Variants in SPECC1 observed in about 807,000 individuals in gnomAD.
The protein encoded by SPECC1 is cytospin-B.
Under a neutral mutation model 104.1 loss-of-function variants are expected in SPECC1, and 62 were observed. The observed-to-expected ratio is 0.60, with a 90% CI of 0.49 to 0.74. The LOEUF is 0.74. SPECC1 is among the 30% of genes least tolerant of loss of function. SPECC1 has a pLI of 0.00. For missense variants in SPECC1, 1,306 were observed against 1,310.5 expected (o/e 1.00, Z 0.05); for synonymous variants, 513 against 501.6 (o/e 1.02, Z -0.30).
At chr17:20,033,480 T>C (rs899335078) in intron 1 of SPECC1, among the ~76,000 whole-genome samples, 1 of 152,168 alleles carries the variant, frequency 6.6e-6, no homozygotes, top group African/African-American at 2.4e-5. Context: ...AAAAGGTTTA[T>C]TGGGCTCATG....
chr17:20,305,913 C>A, intron 13 of SPECC1, 110 bp from the exon 14 acceptor site: 1 of 911,754 alleles, frequency 1.1e-6, no homozygotes, highest in Non-Finnish European at 1.6e-6. Context: ...TACTATTCTT[C>A]GCTTTATAAT....
At chr17:20,184,068 C>G (rs1210347770) in intron 3 of SPECC1, among the ~76,000 whole-genome samples, 1 of 150,556 alleles carries the variant, frequency 6.6e-6, no homozygotes, top group Non-Finnish European at 1.5e-5. Context: ...ATCGTCCCAG[C>G]TACTCGGGAG....
At chr17:20,218,481 A>G (rs1320973544) in intron 4 of SPECC1, among the ~76,000 whole-genome samples, 5 of 152,196 alleles carry the variant, frequency 3.3e-5, no homozygotes, top group African/African-American at 9.7e-5. Context: ...ATTACAATCC[A>G]GAGTCTCACG....
At position 20,318,432 on chromosome 17, in the gene SPECC1, G is replaced by A. The variant is rs1040119980; in HGVS notation, c.*4367G>A. 3.9e-5 allele frequency: 9 copies of A among 231,494 alleles called. No individual in the cohort carries two copies. The highest frequency in any genetic ancestry group is 6.8e-5 in the Non-Finnish European group (8 of 117,040). The allele number at this position is 231,494 out of a possible 1,614,324, so 14.3% of individuals were successfully genotyped here. On this transcript the variant is annotated 3_prime_UTR_variant, in exon 15 of 15. Transcript: ENST00000395527. ...GTAGAGACCAACCCAAGTAGATGCA[G>A]GTGGGTGTTAGATAAAAACACACAT... is the stretch of plus-strand genomic sequence containing the variant.
chr17:20,148,299 G>A (rs1163602638), intron 3 of SPECC1, among the ~76,000 whole-genome samples: 1 of 151,960 alleles, frequency 6.6e-6, no homozygotes, highest in Non-Finnish European at 1.5e-5. Context: ...GAGTGCAGTA[G>A]TGCAATCATA....
chr17:20,051,090 T>C (rs1385986940), intron 1 of SPECC1, among the ~76,000 whole-genome samples: 1 of 100,128 alleles, frequency 1.0e-5, no homozygotes, highest in Admixed American at 1.0e-4. Flanking sequence ...CTTTCTTTCT[T>C]TCTTTCTTTC....
At chr17:20,257,325 T>G (rs2039868321) in intron 10 of SPECC1, 126 bp from the exon 11 acceptor site, 2 of 1,138,392 alleles carry the variant, frequency 1.8e-6, no homozygotes, top group African/African-American at 3.2e-5. Context: ...TTTTATTACT[T>G]CAGAAACTAT....
Position 20,227,520 on chromosome 17 carries a change from G to C in SPECC1, c.1971G>C (p.Glu657Asp). The change falls in exon 5 of 15, where the codon GAG (glutamate) becomes GAC (aspartate). Residue 657 changes from glutamate to aspartate, a missense_variant. Physicochemically the swap from Glu to Asp is conservative, Grantham distance 45 (BLOSUM62 2). Transcript: ENST00000395527. ...LQEKASESDA[E>D]IKDMKETIFE... ...AAAAAGCATCAGAGAGTGATGCAGA[G>C]ATCAAAGACATGAAAGAAACCATAT... is the stretch of plus-strand genomic sequence containing the variant. 1 of 1,613,326 alleles carries C rather than the reference G, an allele frequency of 6.2e-7. No homozygotes were observed. Among genetic ancestry groups the C allele is most frequent in the Non-Finnish European group, 8.5e-7 (1 of 1,179,794 alleles).
intron 3 of SPECC1, chr17:20,155,914 CGCCTGGCGGGCGGT>C (rs1251512639): frequency 3.4e-5 from 41 of 1,203,192 alleles, no homozygotes; most frequent in Non-Finnish European, 3.8e-5. Context: ...GGGCGGGCCG[CGCCTGGCGGGCGGT>C]GTGCAGTTGA....
intron 3 of SPECC1, among the ~76,000 whole-genome samples, chr17:20,196,060 T>C (rs894273597): frequency 6.6e-6 from 1 of 152,206 alleles, no homozygotes; most frequent in African/African-American, 2.4e-5. Context: ...CAGAATCTCT[T>C]TTACAATTAA....
chr17:20,024,768 G>A (rs2044534711), intron 1 of SPECC1, among the ~76,000 whole-genome samples: 2 of 152,134 alleles, frequency 1.3e-5, no homozygotes, highest in Admixed American at 1.3e-4. Context: ...TGTGGACTCT[G>A]ATAATAGCCC....
intron 1 of SPECC1, among the ~76,000 whole-genome samples, chr17:20,081,230 T>C (rs963244878): frequency 2.6e-5 from 4 of 152,046 alleles, no homozygotes; most frequent in African/African-American, 9.7e-5. Flanking sequence ...GAGCCCCAGG[T>C]GGGGAGGGGT....
chr17:20,019,978 T>C (rs940271541), intron 1 of SPECC1, among the ~76,000 whole-genome samples: 15 of 152,234 alleles, frequency 9.9e-5, no homozygotes, highest in African/African-American at 3.4e-4. Context: ...GTCATAGTTA[T>C]ATACCCCATG....
At chr17:20,250,523 A>C (rs2039582351) in intron 9 of SPECC1, among the ~76,000 whole-genome samples, 1 of 152,214 alleles carries the variant, frequency 6.6e-6, no homozygotes, top group Non-Finnish European at 1.5e-5. Flanking sequence ...GAAATGGTCA[A>C]AATCTTAGAA....
intron 3 of SPECC1, among the ~76,000 whole-genome samples, chr17:20,111,579 T>C (rs2048493389): frequency 6.6e-6 from 1 of 152,134 alleles, no homozygotes; most frequent in Non-Finnish European, 1.5e-5. Flanking sequence ...CAAAAGTTAA[T>C]AAAGCCCCAC....
chr17:20,025,523 T>C (rs2044565688), intron 1 of SPECC1, among the ~76,000 whole-genome samples: 1 of 152,204 alleles, frequency 6.6e-6, no homozygotes, highest in Non-Finnish European at 1.5e-5. Flanking sequence ...AGATTCATCC[T>C]TGTAGCATGT....
Position 20,238,505 on chromosome 17 carries a change from A to T in SPECC1, c.2351+6100A>T, listed in dbSNP as rs536219523. The T allele has an allele frequency of 6.7e-6, 7 of 1,041,910 alleles. No individual in the cohort carries two copies. In the African/African-American group the frequency reaches 1.2e-4, roughly 17 times the overall value. The allele number at this position is 1,041,910 out of a possible 1,614,324, so 64.5% of individuals were successfully genotyped here. On this transcript the variant is annotated intron_variant, in intron 7 of 14. Coordinates refer to ENST00000395527, the MANE Select transcript of SPECC1 (RefSeq NM_001243439.2). Reference sequence around the variant, plus strand: ...TGAGACAAGACAAAAGTTACTGTCTAATAAAAGGAAAATTAGGAACAGGAA... The same window carrying T: ...TGAGACAAGACAAAAGTTACTGTCTTATAAAAGGAAAATTAGGAACAGGAA...
intron 3 of SPECC1, among the ~76,000 whole-genome samples, chr17:20,147,839 C>A (rs1159367698): frequency 6.6e-6 from 1 of 152,168 alleles, no homozygotes; most frequent in Non-Finnish European, 1.5e-5. Flanking sequence ...AGTTCAAGGC[C>A]AGTCTGGGCA....
At chr17:20,248,840 T>G (rs1014855401) in intron 9 of SPECC1, among the ~76,000 whole-genome samples, 3 of 152,256 alleles carry the variant, frequency 2.0e-5, no homozygotes, top group African/African-American at 7.2e-5. Context: ...AGAGAAATTT[T>G]ACATGTTTGT....
Sources: gnomAD v4.1 joint callset for allele counts (sites outside exome capture counted in the v4.1 genomes callset) on GRCh38, gnomAD v4.1.1 for gene constraint, MANE v1.5 for transcripts, NCBI Gene and HGNC (gene_info 2026-07-23, HGNC 2026-07-21) for gene names.